LRRC7: variants seen among roughly 807,000 people sequenced by gnomAD.
LRRC7 encodes leucine-rich repeat-containing protein 7.
LRRC7 carries 23 observed loss-of-function variants against 175.7 expected under a neutral mutation model. The observed-to-expected ratio is 0.13, with a 90% CI of 0.09 to 0.19. The LOEUF is 0.19. Among genes scored for constraint, LRRC7 ranks in the 10% least tolerant of loss-of-function variants. The pLI is 1.00. For missense variants in LRRC7, 1,354 were observed against 1,904.7 expected, an observed-to-expected ratio of 0.71 and a Z score of 5.38; for synonymous variants, 685 against 680.9, an observed-to-expected ratio of 1.01 and a Z score of -0.09.
chr1:69,995,602 G>C (rs1051329052), intron 11 of LRRC7, among the ~76,000 whole-genome samples: 1 of 141,056 alleles, frequency 7.1e-6, no homozygotes, highest in African/African-American at 2.7e-5. Flanking sequence ...CCCTTCCCGT[G>C]TCCATGTGTT....
intron 7 of LRRC7, among the ~76,000 whole-genome samples, chr1:69,930,587 G>C (rs945470635): frequency 5.3e-5 from 8 of 152,106 alleles, no homozygotes; most frequent in Admixed American, 4.6e-4. Context: ...AGTGCACTTG[G>C]GTTCCCTGAA....
intron 1 of LRRC7, among the ~76,000 whole-genome samples, chr1:69,594,685 C>T (rs1052401739): frequency 6.6e-6 from 1 of 152,200 alleles, no homozygotes; most frequent in African/African-American, 2.4e-5. Flanking sequence ...TCCAGATCCT[C>T]ATAATCTCTA....
intron 8 of LRRC7, among the ~76,000 whole-genome samples, chr1:69,963,305 CAAA>C (rs112678826): frequency 1.9e-5 from 2 of 106,246 alleles, no homozygotes. Context: ...GACACCGTCT[CAAA>C]AAAAAAAAAA....
At chr1:69,703,647 T>C (rs1663659370) in intron 2 of LRRC7, among the ~76,000 whole-genome samples, 1 of 152,008 alleles carries the variant, frequency 6.6e-6, no homozygotes, top group Non-Finnish European at 1.5e-5. Flanking sequence ...AAATCAGAAA[T>C]TAGGAAACCT....
chr1:69,996,965 A>G (rs1655043509), intron 11 of LRRC7, among the ~76,000 whole-genome samples: 1 of 152,228 alleles, frequency 6.6e-6, no homozygotes, highest in Non-Finnish European at 1.5e-5. Context: ...TGGGGATGGC[A>G]TTGAATCTGT....
In LRRC7 at chr1:70,141,351, A is replaced by ACTC. The variant is rs1667055120; in HGVS notation, c.*19465_*19467dup. On this transcript the variant is annotated 3_prime_UTR_variant, in exon 27 of 27. Coordinates refer to ENST00000651989, the MANE Select transcript of LRRC7 (RefSeq NM_001370785.2). ...ATAGCTTCATGCAGACTTTGGCCCA[A>ACTC]CTCTGTCTACAAATACTTTTGCAAA... The ACTC allele has an allele frequency of 6.6e-6, 1 of 152,042 alleles. No individual in the cohort carries two copies. Among genetic ancestry groups the ACTC allele is most frequent in the Non-Finnish European group, 1.5e-5 (1 of 67,968 alleles). 9.4% of individuals were successfully genotyped at this position (152,042 alleles called of 1,614,324 possible).
chr1:69,916,034 A>ATTT (rs2101716997), intron 7 of LRRC7, among the ~76,000 whole-genome samples: 1 of 89,770 alleles, frequency 1.1e-5, no homozygotes, highest in Non-Finnish European at 2.5e-5. Flanking sequence ...TTATATATAT[A>ATTT]TAAATTTATA....
chr1:69,649,539 T>A (rs1409340942), intron 1 of LRRC7, among the ~76,000 whole-genome samples: 1 of 152,160 alleles, frequency 6.6e-6, no homozygotes, highest in Non-Finnish European at 1.5e-5. Context: ...ATTCTGGGAT[T>A]GCTTTAGATA....
At chr1:69,581,579 G>T (rs1015431910) in intron 1 of LRRC7, among the ~76,000 whole-genome samples, 1 of 152,124 alleles carries the variant, frequency 6.6e-6, no homozygotes, top group African/African-American at 2.4e-5. Context: ...CAGAATGAAG[G>T]AAACTGAATA....
chr1:69,783,812 A>T, intron 3 of LRRC7, among the ~76,000 whole-genome samples: 1 of 151,990 alleles, frequency 6.6e-6, no homozygotes, highest in African/African-American at 2.4e-5. Flanking sequence ...TAAGTGGAAA[A>T]GAATAAATCC....
chr1:69,877,160 A>G (rs145935665), intron 7 of LRRC7, among the ~76,000 whole-genome samples: 2 of 152,284 alleles, frequency 1.3e-5, no homozygotes, highest in African/African-American at 2.4e-5. Context: ...ACATGGTTAG[A>G]CTTTATTTTC....
chr1:69,827,187 A>G (rs1680012658), intron 5 of LRRC7, among the ~76,000 whole-genome samples: 1 of 152,220 alleles, frequency 6.6e-6, no homozygotes, highest in Non-Finnish European at 1.5e-5. Flanking sequence ...TTCTCCCACC[A>G]GGACTACAGT....
At chr1:69,853,273 T>TC (rs375586413) in intron 7 of LRRC7, among the ~76,000 whole-genome samples, 32 of 126,436 alleles carry the variant, frequency 2.5e-4, no homozygotes, top group South Asian at 5.6e-4. Flanking sequence ...TTTCTTTCTT[T>TC]TTTTTTTTTT....
intron 2 of LRRC7, among the ~76,000 whole-genome samples, chr1:69,689,111 C>G (rs1661536005): frequency 6.6e-6 from 1 of 152,128 alleles, no homozygotes; most frequent in Non-Finnish European, 1.5e-5. Context: ...TTTACATTGT[C>G]ATCATCTTCA....
intron 23 of LRRC7, among the ~76,000 whole-genome samples, chr1:70,061,088 T>G (rs1661542004): frequency 6.6e-6 from 1 of 152,010 alleles, no homozygotes; most frequent in Admixed American, 6.6e-5. Context: ...AACAATCTTC[T>G]CCATCACTGG....
chr1:69,960,877 A>G (rs993377135), intron 8 of LRRC7, among the ~76,000 whole-genome samples: 3 of 152,190 alleles, frequency 2.0e-5, no homozygotes, highest in Non-Finnish European at 4.4e-5. Context: ...CCAATATCAT[A>G]CTGAAGGGGC....
chr1:69,577,745 GT>G (rs1275290309), intron 1 of LRRC7, among the ~76,000 whole-genome samples: 2 of 152,010 alleles, frequency 1.3e-5, no homozygotes, highest in East Asian at 3.9e-4. Context: ...CTATATCTCT[GT>G]TTTGGTACCA....
rs748855273 is a variant in LRRC7, at chr1:69,781,938, A to AAGAAAGAG, written c.304-10102_304-10101insAAGAGAGA. Among the ~76,000 whole-genome samples the AAGAAAGAG allele has an allele frequency of 4.2e-3, 520 of 123,014 alleles. 14 individuals carry two copies. The highest frequency in any genetic ancestry group is 0.015 in the African/African-American group (450 of 29,050). 80.7% of individuals were successfully genotyped at this position (123,014 alleles called of 152,430 possible). ...GAAGAAAGAAAGAAAGAAAGAAAGAAAGAGAAAAGAAAAGAAAGAAAGAAA... is the reference window on the plus strand; with the variant it reads ...GAAGAAAGAAAGAAAGAAAGAAAGAAAGAAAGAGAGAGAAAAGAAAAGAAAGAAAGAAA... On this transcript the variant is annotated intron_variant, in intron 3 of 26. Coordinates refer to ENST00000651989, the MANE Select transcript of LRRC7 (RefSeq NM_001370785.2).
chr1:69,689,417 C>G (rs902274970), intron 2 of LRRC7, among the ~76,000 whole-genome samples: 1 of 151,176 alleles, frequency 6.6e-6, no homozygotes, highest in Non-Finnish European at 1.5e-5. Context: ...TTTTCCCTCT[C>G]TGGAATTCAT....
Sources: allele counts gnomAD v4.1 joint callset (sites outside exome capture counted in the v4.1 genomes callset), GRCh38; gene constraint gnomAD v4.1.1; transcripts MANE v1.5; gene names NCBI Gene and HGNC (gene_info 2026-07-23, HGNC 2026-07-21).